The following LRRC4C variants were observed in gnomAD, a reference collection of about 807,000 sequenced individuals.
The protein encoded by LRRC4C is leucine rich repeat containing 4C.
LRRC4C carries 5 observed loss-of-function variants against 33.6 expected under a neutral mutation model. The observed-to-expected ratio is 0.15, with a 90% CI of 0.08 to 0.31. LRRC4C has a LOEUF of 0.31. Among genes scored for constraint, LRRC4C ranks in the 10% least tolerant of loss-of-function variants. LRRC4C has a pLI of 1.00. For missense variants in LRRC4C, 560 were observed against 796.7 expected, an observed-to-expected ratio of 0.70 and a Z score of 3.58; for synonymous variants, 329 against 302.0, an observed-to-expected ratio of 1.09 and a Z score of -0.93.
chr11:40,558,609 T>A lies in LRRC4C; in HGVS notation c.-270+89533A>T, dbSNP rs11035918. 9.2e-5 allele frequency among the ~76,000 whole-genome samples: 14 copies of A among 152,204 alleles called. 1 individual carries two copies. In the East Asian group the frequency reaches 2.7e-3, roughly 29 times the overall value. ...GTCATTACCACATCACTCCTGCCCC[T>A]GTACTGTGTCTCCTTGATATTCTAG... On this transcript the variant is annotated intron_variant, in intron 3 of 6. Transcript: ENST00000528697.
intron 1 of LRRC4C, among the ~76,000 whole-genome samples, chr11:41,360,206 A>ACAAG (rs1414158072): frequency 6.6e-6 from 1 of 152,042 alleles, no homozygotes; most frequent in Non-Finnish European, 1.5e-5. Context: ...AAACAAACAA[A>ACAAG]CAGAATAAAA....
At chr11:41,157,826 C>T (rs184984588) in intron 1 of LRRC4C, among the ~76,000 whole-genome samples, 313 of 152,110 alleles carry the variant, frequency 2.1e-3, no homozygotes, top group African/African-American at 7.1e-3. Context: ...TTCATACAGG[C>T]ATACGATGCA....
Position 41,131,955 on chromosome 11 carries a change from C to A in LRRC4C, c.-495-198232G>T, listed in dbSNP as rs114986358. On this transcript the variant is annotated intron_variant, in intron 1 of 6. Coordinates refer to ENST00000528697, the MANE Select transcript of LRRC4C (RefSeq NM_001258419.2). ...TCTGGAAAACTCATGAATAATCCAA[C>A]CCTTGTTTAGTGTATAATCAAGAAA... 8.7e-3 allele frequency among the ~76,000 whole-genome samples: 1,332 copies of A among 152,240 alleles called. 19 individuals carry two copies. Among genetic ancestry groups the A allele is most frequent in the African/African-American group, 0.031 (1,289 of 41,560 alleles).
intron 2 of LRRC4C, among the ~76,000 whole-genome samples, chr11:40,876,300 A>C (rs2135980064): frequency 8.5e-6 from 1 of 117,106 alleles, no homozygotes; most frequent in East Asian, 2.8e-4. Context: ...AGTAATGCTG[A>C]AACCCTTTTG....
intron 3 of LRRC4C, among the ~76,000 whole-genome samples, chr11:40,615,253 T>TATATATATATATATATATATAA (rs914584100): frequency 1.1e-5 from 1 of 93,116 alleles, no homozygotes; most frequent in African/African-American, 3.3e-5. Flanking sequence ...TATATATATA[T>TATATATATATATATATATATAA]ATATATATAT....
At chr11:40,706,641 C>T (rs1946182161) in intron 2 of LRRC4C, among the ~76,000 whole-genome samples, 1 of 152,072 alleles carries the variant, frequency 6.6e-6, no homozygotes, top group East Asian at 1.9e-4. Flanking sequence ...AGTCAGGTAG[C>T]CTGATGCCTC....
At chr11:41,322,466 T>C (rs114911699) in intron 1 of LRRC4C, among the ~76,000 whole-genome samples, 2 of 152,264 alleles carry the variant, frequency 1.3e-5, no homozygotes, top group African/African-American at 2.4e-5. Context: ...GGCCAAATTT[T>C]CTCAGTAACT....
At chr11:40,656,483 T>C (rs1001449060) in intron 2 of LRRC4C, among the ~76,000 whole-genome samples, 2 of 151,864 alleles carry the variant, frequency 1.3e-5, no homozygotes, top group Admixed American at 6.6e-5. Context: ...TTTTTTTTTT[T>C]TTTTGAAAAA....
chr11:40,183,262 G>A (rs1044402930), intron 5 of LRRC4C, among the ~76,000 whole-genome samples: 3 of 151,836 alleles, frequency 2.0e-5, no homozygotes, highest in South Asian at 2.1e-4. Context: ...GATAAGCTTC[G>A]GGCCACTGAA....
At chr11:41,058,199 C>A (rs952601906) in intron 1 of LRRC4C, among the ~76,000 whole-genome samples, 22 of 123,486 alleles carry the variant, frequency 1.8e-4, no homozygotes, top group African/African-American at 5.9e-4. Flanking sequence ...TCAGCCAGGG[C>A]TGTGACTCCC....
chr11:40,706,058 AT>A (rs1050133587), intron 2 of LRRC4C, among the ~76,000 whole-genome samples: 1 of 150,466 alleles, frequency 6.6e-6, no homozygotes, highest in East Asian at 2.0e-4. Flanking sequence ...GGGTTATTTG[AT>A]TTTTTTTTCT....
At chr11:40,833,069 CTG>C (rs1952492154) in intron 2 of LRRC4C, among the ~76,000 whole-genome samples, 1 of 152,082 alleles carries the variant, frequency 6.6e-6, no homozygotes, top group African/African-American at 2.4e-5. Context: ...TTAGTTAAAA[CTG>C]TTCAAAACTC....
At chr11:40,238,799 A>G (rs1377110) in intron 5 of LRRC4C, among the ~76,000 whole-genome samples, 86,547 of 152,008 alleles carry the variant, frequency 0.57, 27,180 homozygotes, top group East Asian at 0.78. Flanking sequence ...ACCTGCTGAA[A>G]GGCTGTATTT....
intron 2 of LRRC4C, among the ~76,000 whole-genome samples, chr11:40,684,097 T>C (rs1944838605): frequency 6.6e-6 from 1 of 152,042 alleles, no homozygotes; most frequent in African/African-American, 2.4e-5. Flanking sequence ...TATTTCCACC[T>C]TGAATGAAAA....
At chr11:41,224,881 T>C (rs1407569375) in intron 1 of LRRC4C, among the ~76,000 whole-genome samples, 2 of 152,170 alleles carry the variant, frequency 1.3e-5, no homozygotes, top group Non-Finnish European at 2.9e-5. Context: ...ACCCTAAGTG[T>C]CCATCAACAG....
chr11:40,352,138 CCT>C, intron 3 of LRRC4C, among the ~76,000 whole-genome samples: 1 of 133,482 alleles, frequency 7.5e-6, no homozygotes, highest in Middle Eastern at 4.0e-3. Context: ...TTCCTTCCTT[CCT>C]TCCTTCCTTC....
intron 1 of LRRC4C, among the ~76,000 whole-genome samples, chr11:41,366,199 CAGAT>C (rs58970527): frequency 0.23 from 33,998 of 148,530 alleles, 4,004 homozygotes; most frequent in East Asian, 0.33. Flanking sequence ...GATAGATAGA[CAGAT>C]AGATAGATAG....
intron 3 of LRRC4C, among the ~76,000 whole-genome samples, chr11:40,441,997 C>G (rs2137973603): frequency 6.6e-6 from 1 of 151,886 alleles, no homozygotes. Context: ...CCCATCTCTA[C>G]TAAAAAATAC....
chr11:40,959,497 G>T (rs1959103879), intron 1 of LRRC4C, among the ~76,000 whole-genome samples: 1 of 151,466 alleles, frequency 6.6e-6, no homozygotes, highest in East Asian at 1.9e-4. Context: ...TATATTTAAT[G>T]CCAAAATGTT....
Sources: gnomAD v4.1 joint callset for allele counts (sites outside exome capture counted in the v4.1 genomes callset) on GRCh38, gnomAD v4.1.1 for gene constraint, MANE v1.5 for transcripts, NCBI Gene and HGNC (gene_info 2026-07-23, HGNC 2026-07-21) for gene names.